MLLT3: variants seen among roughly 807,000 people sequenced by gnomAD.
The protein encoded by MLLT3 is protein AF-9.
Under a neutral mutation model 53.2 loss-of-function variants are expected in MLLT3, and 4 were observed. The ratio of observed to expected loss-of-function variants is 0.08; its 90% CI spans 0.04 to 0.17. The LOEUF is 0.17. Among genes scored for constraint, MLLT3 ranks in the 10% least tolerant of loss-of-function variants. The pLI, the probability that MLLT3 is intolerant of heterozygous loss-of-function variation, is 1.00. For synonymous variants in MLLT3, 283 were observed against 230.6 expected, an observed-to-expected ratio of 1.23 and a Z score of -2.06; for missense variants, 569 against 684.0, an observed-to-expected ratio of 0.83 and a Z score of 1.87.
chr9:20,361,327 G>C (rs1821316530), intron 7 of MLLT3, among the ~76,000 whole-genome samples: 1 of 152,144 alleles, frequency 6.6e-6, no homozygotes, highest in African/African-American at 2.4e-5. Flanking sequence ...CTCTGTTACA[G>C]ATGAAAAAGT....
chr9:20,380,733 C>CTTT (rs1821889503), intron 5 of MLLT3, among the ~76,000 whole-genome samples: 1 of 152,006 alleles, frequency 6.6e-6, no homozygotes, highest in Non-Finnish European at 1.5e-5. Context: ...TTAATTTCAT[C>CTTT]TGACTTAAAC....
At chr9:20,390,054 G>A (rs914497382) in intron 5 of MLLT3, among the ~76,000 whole-genome samples, 5 of 152,168 alleles carry the variant, frequency 3.3e-5, no homozygotes, top group African/African-American at 7.2e-5. Context: ...AAATGGAAAC[G>A]TTATGAGAAG....
chr9:20,445,329 CAGGGTATATTTCTTCCAAG>C (rs943187972), intron 4 of MLLT3, among the ~76,000 whole-genome samples: 2 of 152,014 alleles, frequency 1.3e-5, no homozygotes, highest in Non-Finnish European at 2.9e-5. Flanking sequence ...CAGAAAAACA[CAGGGTATATTTCTTCCAAG>C]AGGGACATAC....
intron 2 of MLLT3, among the ~76,000 whole-genome samples, chr9:20,573,921 T>C (rs1819592503): frequency 6.6e-6 from 1 of 152,224 alleles, no homozygotes; most frequent in Non-Finnish European, 1.5e-5. Flanking sequence ...TAAAATTCTG[T>C]TGCATTTTTG....
intron 2 of MLLT3, among the ~76,000 whole-genome samples, chr9:20,576,016 G>C (rs1563825745): frequency 1.3e-5 from 2 of 152,144 alleles, no homozygotes; most frequent in South Asian, 4.1e-4. Flanking sequence ...GTTGTTTAGT[G>C]TAGCCACCTT....
In MLLT3 at chr9:20,622,476, A is replaced by AGGGTTAGGGTAAGGGTTAAGG. The variant is rs1821050671; in HGVS notation, c.-221_-220insCCTTAACCCTTACCCTAACCC. On this transcript the variant is annotated 5_prime_UTR_variant, in exon 1 of 11. Transcript: ENST00000380338. ...AAGCAAAAGCAGCAGCAGCAGCAGC[A>AGGGTTAGGGTAAGGGTTAAGG]GCTCCAGGGTAAAGAAGATGATTGC... The AGGGTTAGGGTAAGGGTTAAGG allele has an allele frequency of 1.9e-6, 1 of 536,540 alleles. No individual in the cohort carries two copies. The highest frequency in any genetic ancestry group is 2.6e-5 in the South Asian group (1 of 38,756). 33.2% of individuals were successfully genotyped at this position (536,540 alleles called of 1,614,324 possible). A position where few individuals can be genotyped will look rare whatever the true frequency, so the allele number is the denominator to read the frequency against.
intron 2 of MLLT3, among the ~76,000 whole-genome samples, chr9:20,534,093 A>C (rs1818415650): frequency 6.6e-6 from 1 of 152,218 alleles, no homozygotes; most frequent in South Asian, 2.1e-4. Context: ...TTTTTAAGTA[A>C]ATAAAAGTCA....
chr9:20,427,065 A>T (rs1262681789), intron 4 of MLLT3, among the ~76,000 whole-genome samples: 2 of 152,144 alleles, frequency 1.3e-5, no homozygotes, highest in East Asian at 3.8e-4. Context: ...CCCAATGTTC[A>T]CCTAAATCAA....
At chr9:20,376,955 A>T (rs1430754893) in intron 5 of MLLT3, among the ~76,000 whole-genome samples, 3 of 152,240 alleles carry the variant, frequency 2.0e-5, no homozygotes, top group Admixed American at 6.5e-5. Flanking sequence ...TCACATGTAC[A>T]GAAGTTGAAT....
intron 2 of MLLT3, among the ~76,000 whole-genome samples, chr9:20,502,034 T>C (rs1307625048): frequency 2.4e-5 from 3 of 124,358 alleles, no homozygotes; most frequent in Non-Finnish European, 4.7e-5. Flanking sequence ...TAAGCCAATA[T>C]GGTGCCATTG....
intron 2 of MLLT3, chr9:20,533,076 C>T (rs963271400): frequency 1.2e-5 from 3 of 249,704 alleles, no homozygotes; most frequent in Non-Finnish European, 2.4e-5. Flanking sequence ...TGCCCTGTGT[C>T]GTAAAATGGG....
At chr9:20,387,325 G>C (rs571808871) in intron 5 of MLLT3, among the ~76,000 whole-genome samples, 2 of 152,288 alleles carry the variant, frequency 1.3e-5, no homozygotes, top group African/African-American at 4.8e-5. Context: ...GCTGATCCCT[G>C]CTCCATGGGT....
chr9:20,420,232 G>C (rs762760235), intron 4 of MLLT3, among the ~76,000 whole-genome samples: 1 of 152,094 alleles, frequency 6.6e-6, no homozygotes, highest in Non-Finnish European at 1.5e-5. Flanking sequence ...AATGAACAAG[G>C]TGAAAAGACA....
intron 2 of MLLT3, among the ~76,000 whole-genome samples, chr9:20,541,224 C>A (rs1563808781): frequency 6.6e-6 from 1 of 152,158 alleles, no homozygotes; most frequent in Non-Finnish European, 1.5e-5. Context: ...TTGAGGAACT[C>A]ACAAACTTCA....
chr9:20,461,843 G>A (rs1008963308), intron 2 of MLLT3, among the ~76,000 whole-genome samples: 1 of 152,044 alleles, frequency 6.6e-6, no homozygotes, highest in Non-Finnish European at 1.5e-5. Flanking sequence ...ATAATTATTG[G>A]CTTTACTTTA....
intron 2 of MLLT3, among the ~76,000 whole-genome samples, chr9:20,537,878 C>A (rs1462835584): frequency 6.6e-6 from 1 of 152,164 alleles, no homozygotes; most frequent in African/African-American, 2.4e-5. Context: ...ATACATTAAT[C>A]TTCATCTTAG....
At chr9:20,596,057 T>G (rs1161978856) in intron 2 of MLLT3, among the ~76,000 whole-genome samples, 3 of 152,178 alleles carry the variant, frequency 2.0e-5, no homozygotes, top group Non-Finnish European at 4.4e-5. Flanking sequence ...AACCTAGCCA[T>G]GAAAGACAAT....
chr9:20,426,985 C>T (rs576833453), intron 4 of MLLT3, among the ~76,000 whole-genome samples: 1 of 152,152 alleles, frequency 6.6e-6, no homozygotes, highest in Non-Finnish European at 1.5e-5. Context: ...AGAGTCTCAA[C>T]AGAAACCAAG....
At chr9:20,597,207 T>C (rs755957996) in intron 2 of MLLT3, among the ~76,000 whole-genome samples, 29 of 152,104 alleles carry the variant, frequency 1.9e-4, no homozygotes, top group Non-Finnish European at 4.0e-4. Flanking sequence ...TAGGGATCAT[T>C]AGACTAATAA....
Sources: gnomAD v4.1 joint callset for allele counts (sites outside exome capture counted in the v4.1 genomes callset) on GRCh38, gnomAD v4.1.1 for gene constraint, MANE v1.5 for transcripts, NCBI Gene and HGNC (gene_info 2026-07-23, HGNC 2026-07-21) for gene names.